CYP4F22: variants seen among roughly 807,000 people sequenced by gnomAD.
CYP4F22 encodes ultra-long-chain fatty acid omega-hydroxylase.
A neutral mutation model predicts 60.4 loss-of-function variants in CYP4F22; 37 were observed. The ratio of observed to expected loss-of-function variants is 0.61; its 90% confidence interval spans 0.47 to 0.81. The LOEUF (loss-of-function observed/expected upper bound fraction) is 0.81. Among genes scored for constraint, CYP4F22 ranks in the 30% least tolerant of loss-of-function variants. The probability of loss-of-function intolerance (pLI) is 0.00; values close to 1 mark genes in which losing one functional copy is unlikely to be tolerated. For missense variants in CYP4F22, 655 were observed against 715.0 expected (o/e 0.92, Z 0.96); for synonymous variants, 258 against 280.5 (o/e 0.92, Z 0.80).
chr19:15,533,636 C>T (rs1351426840), intron 4 of CYP4F22, among the ~76,000 whole-genome samples: 2 of 135,932 alleles, frequency 1.5e-5, no homozygotes, highest in Non-Finnish European at 3.1e-5. Context: ...TACCCTGTCA[C>T]CCAGAGGCTG....
chr19:15,546,899 T>TG (rs1971532025), intron 10 of CYP4F22, among the ~76,000 whole-genome samples: 1 of 151,734 alleles, frequency 6.6e-6, no homozygotes, highest in Admixed American at 6.6e-5. Context: ...TTGGTAGAGA[T>TG]GGGGTCTCTC....
chr19:15,547,995 G>GA (rs1568363982), intron 10 of CYP4F22, 113 bp from the exon 11 acceptor site: 1,527 of 125,680 alleles, frequency 0.012, 105 homozygotes, highest in East Asian at 0.093. Flanking sequence ...GAGAGAGAGA[G>GA]GGAGAGAGTG....
chr19:15,535,921 G>C (rs1971389748), intron 4 of CYP4F22, among the ~76,000 whole-genome samples: 1 of 152,196 alleles, frequency 6.6e-6, no homozygotes, highest in South Asian at 2.1e-4. Flanking sequence ...TGCTGGGTCA[G>C]GGGTGGGGAG....
chr19:15,520,134 G>T (rs141859948), intron 1 of CYP4F22, among the ~76,000 whole-genome samples: 58 of 152,168 alleles, frequency 3.8e-4, no homozygotes, highest in Middle Eastern at 3.4e-3. Flanking sequence ...CACGAAGTCA[G>T]CAGATCGAGA....
intron 10 of CYP4F22, among the ~76,000 whole-genome samples, chr19:15,545,070 C>T (rs962105340): frequency 4.0e-5 from 6 of 148,436 alleles, no homozygotes; most frequent in Middle Eastern, 3.4e-3. Context: ...CCCACCCCCC[C>T]ACAAAAAAAG....
At chr19:15,525,069 C>T (rs147144934) in intron 2 of CYP4F22, among the ~76,000 whole-genome samples, 32 of 152,232 alleles carry the variant, frequency 2.1e-4, no homozygotes, top group South Asian at 1.5e-3. Flanking sequence ...CCAGCCTGAC[C>T]GGCTATGCCT....
At chr19:15,509,885 C>T (rs376925420) in intron 1 of CYP4F22, among the ~76,000 whole-genome samples, 38 of 114,720 alleles carry the variant, frequency 3.3e-4, no homozygotes, top group East Asian at 3.2e-3. Context: ...TCCTTCCTTC[C>T]TTCCTTCCTT....
chr19:15,543,352 C>T (rs1770365703), intron 8 of CYP4F22, among the ~76,000 whole-genome samples: 1 of 152,100 alleles, frequency 6.6e-6, no homozygotes, highest in South Asian at 2.1e-4. Context: ...TGCATCACCA[C>T]ACCTGGCTGA....
At chr19:15,549,672 A>G (rs1465752674) in intron 12 of CYP4F22, among the ~76,000 whole-genome samples, 6 of 151,422 alleles carry the variant, frequency 4.0e-5, no homozygotes, top group Admixed American at 4.0e-4. Flanking sequence ...TCTACCAAAA[A>G]GGAAAAAGTT....
At chr19:15,516,812 A>G (rs1971160465) in intron 1 of CYP4F22, 1 of 472,630 alleles carries the variant, frequency 2.1e-6, no homozygotes, top group South Asian at 5.3e-5. Context: ...TCCATGGGGT[A>G]CGTGGCCTGA....
chr19:15,510,966 A>ATTTTTTTTTTTT (rs1555726127), intron 1 of CYP4F22, among the ~76,000 whole-genome samples: 3 of 103,336 alleles, frequency 2.9e-5, no homozygotes, highest in African/African-American at 9.2e-5. Context: ...ATATATATAT[A>ATTTTTTTTTTTT]TTTTTTTTTT....
chr19:15,531,839 T>G (rs1971346141), intron 4 of CYP4F22, among the ~76,000 whole-genome samples: 1 of 151,936 alleles, frequency 6.6e-6, no homozygotes. Flanking sequence ...GTGCAGTGAC[T>G]CATGCCTGCA....
At chr19:15,549,776 C>T (rs1444495746) in intron 12 of CYP4F22, among the ~76,000 whole-genome samples, 2 of 150,672 alleles carry the variant, frequency 1.3e-5, no homozygotes, top group African/African-American at 4.9e-5. Context: ...CTCAGCCCAG[C>T]CTGGGCAACA....
At chr19:15,521,845 T>G (rs1971229456) in intron 1 of CYP4F22, among the ~76,000 whole-genome samples, 1 of 151,880 alleles carries the variant, frequency 6.6e-6, no homozygotes, top group Non-Finnish European at 1.5e-5. Flanking sequence ...TTGTTTAATC[T>G]TAAAAGGAAC....
At chr19:15,542,744 C>A (rs1441405363) in intron 8 of CYP4F22, among the ~76,000 whole-genome samples, 1 of 59,356 alleles carries the variant, frequency 1.7e-5, no homozygotes, top group Non-Finnish European at 3.6e-5. Context: ...TGTGTTGTTT[C>A]CCCCCTGTGT....
chr19:15,512,395 G>T (rs8099989), intron 1 of CYP4F22, among the ~76,000 whole-genome samples: 30,065 of 152,100 alleles, frequency 0.2, 3,728 homozygotes, highest in East Asian at 0.64. Context: ...GCAGTGGCAA[G>T]ATTTTGGCTC....
At chr19:15,538,242 G>T (rs1010753367) in intron 7 of CYP4F22, among the ~76,000 whole-genome samples, 2 of 152,068 alleles carry the variant, frequency 1.3e-5, no homozygotes, top group African/African-American at 4.8e-5. Flanking sequence ...TGAATCAATG[G>T]CTTGGTATAA....
chr19:15,509,861 CT>C (rs1971062656), intron 1 of CYP4F22, among the ~76,000 whole-genome samples: 1 of 77,986 alleles, frequency 1.3e-5, no homozygotes, highest in Non-Finnish European at 2.6e-5. Flanking sequence ...TCTCTCCTTC[CT>C]TCCTTCCTTC....
At chr19:15,536,586 C>T (rs1006501668) in intron 4 of CYP4F22, among the ~76,000 whole-genome samples, 4 of 152,080 alleles carry the variant, frequency 2.6e-5, no homozygotes, top group Admixed American at 2.6e-4. Context: ...AGGCTGGGAG[C>T]ACAGGAGGTG....
Sources: gnomAD v4.1 joint callset for allele counts (sites outside exome capture counted in the v4.1 genomes callset) on GRCh38, gnomAD v4.1.1 for gene constraint, MANE v1.5 for transcripts, NCBI Gene and HGNC (gene_info 2026-07-23, HGNC 2026-07-21) for gene names.